The following TLN2 variants were observed in gnomAD, a reference collection of about 807,000 sequenced individuals.
The protein encoded by TLN2 is talin-2.
TLN2 carries 118 observed loss-of-function variants against 294.7 expected under a neutral mutation model. The observed-to-expected ratio is 0.40, with a 90% CI of 0.34 to 0.47. The LOEUF (loss-of-function observed/expected upper bound fraction) is 0.47, where lower values mean the gene tolerates loss of function less well. TLN2 is among the 20% of genes least tolerant of loss of function. The pLI is 0.84. For missense variants in TLN2, 3,083 were observed against 3,282.2 expected (o/e 0.94, Z 1.48); for synonymous variants, 1,431 against 1,304.5 (o/e 1.10, Z -2.09).
intron 1 of TLN2, among the ~76,000 whole-genome samples, chr15:62,562,520 A>G (rs2043046932): frequency 6.9e-6 from 1 of 145,466 alleles, no homozygotes; most frequent in African/African-American, 2.7e-5. Context: ...CTTCCTGAAC[A>G]TCTCTCCTCC....
At position 62,822,188 on chromosome 15, in the gene TLN2, G is replaced by A. The variant is rs546551990; in HGVS notation, c.7002+1578G>A. On this transcript the variant is annotated intron_variant, in intron 54 of 58. Coordinates refer to ENST00000636159, the MANE Select transcript of TLN2 (RefSeq NM_015059.3). Reference sequence around the variant, plus strand: ...GGTCGTTCACTTCACGACTCCAGATGGGAAAACAAAATTATTAAAGTTCCT... The same window carrying A: ...GGTCGTTCACTTCACGACTCCAGATAGGAAAACAAAATTATTAAAGTTCCT... Among the ~76,000 whole-genome samples, 6 of 152,226 alleles carry A rather than the reference G, an allele frequency of 3.9e-5. No homozygotes were observed. In the South Asian group the frequency reaches 1.2e-3, roughly 32 times the overall value.
chr15:62,427,637 G>A (rs928755525), intron 1 of TLN2, among the ~76,000 whole-genome samples: 3 of 152,026 alleles, frequency 2.0e-5, no homozygotes, highest in Non-Finnish European at 4.4e-5. Flanking sequence ...TCCAGATTGC[G>A]ACCCTCCTTT....
intron 1 of TLN2, among the ~76,000 whole-genome samples, chr15:62,499,552 A>G (rs959587366): frequency 3.3e-5 from 5 of 152,332 alleles, no homozygotes; most frequent in East Asian, 1.9e-4. Flanking sequence ...CAACATGCCA[A>G]CTGATGAATG....
intron 1 of TLN2, among the ~76,000 whole-genome samples, chr15:62,510,434 G>C (rs925490630): frequency 1.5e-4 from 23 of 152,214 alleles, no homozygotes; most frequent in Non-Finnish European, 7.3e-5. Context: ...CAGTAGTTGA[G>C]ATAATTTAGA....
chr15:62,540,265 G>T (rs546631442), intron 1 of TLN2, among the ~76,000 whole-genome samples: 2 of 152,126 alleles, frequency 1.3e-5, no homozygotes, highest in African/African-American at 2.4e-5. Context: ...GCTTGAACCC[G>T]GAAGGCAGAG....
chr15:62,479,411 A>G (rs953069085), intron 1 of TLN2, among the ~76,000 whole-genome samples: 9 of 152,052 alleles, frequency 5.9e-5, no homozygotes, highest in South Asian at 4.2e-4. Flanking sequence ...GTCCCCTTCC[A>G]CTTGCGTCTG....
chr15:62,664,465 T>A (rs997508222), intron 9 of TLN2, among the ~76,000 whole-genome samples: 5 of 152,074 alleles, frequency 3.3e-5, no homozygotes, highest in Non-Finnish European at 7.3e-5. Flanking sequence ...TATGAATCTT[T>A]ATATTTAAAA....
chr15:62,697,912 T>C, intron 15 of TLN2, 44 bp downstream of exon 15: 1 of 1,595,048 alleles, frequency 6.3e-7, no homozygotes. Context: ...GTCTGCTGCC[T>C]CCCGCATGCA....
Position 62,755,602 on chromosome 15 carries a change from C to A in TLN2, c.4547C>A (p.Ser1516Tyr). Residue 1516 changes from serine (S) to tyrosine (Y), a missense_variant, in exon 37 of 59, where the codon TCC becomes TAC. Ser to Tyr is a moderately radical substitution (Grantham distance 144). Transcript: ENST00000636159. ...ALCNACRIAS[S>Y]KTANPVAKRH... is the part of the protein sequence containing the mutation. ...TGCAATGCCTGCCGCATCGCCTCAT[C>A]CAAGACGGCCAACCCAGTAGCCAAG... 6.2e-7 allele frequency: 1 copy of A among 1,614,244 alleles called. No homozygotes were observed. The highest frequency in any genetic ancestry group is 8.5e-7 in the Non-Finnish European group (1 of 1,180,034).
intron 1 of TLN2, among the ~76,000 whole-genome samples, chr15:62,444,497 A>C (rs1435680241): frequency 6.6e-6 from 1 of 152,214 alleles, no homozygotes; most frequent in Non-Finnish European, 1.5e-5. Flanking sequence ...GAAGATTTTG[A>C]ATTGGTCCAT....
At chr15:62,671,922 C>G (rs1008499451) in intron 9 of TLN2, among the ~76,000 whole-genome samples, 1 of 152,068 alleles carries the variant, frequency 6.6e-6, no homozygotes, top group African/African-American at 2.4e-5. Flanking sequence ...TATGTATTTA[C>G]TTATTCTTTA....
At position 62,724,984 on chromosome 15, in the gene TLN2, A is replaced by C. The variant is rs148931336; in HGVS notation, c.3135A>C (p.Glu1045Asp). 27,001 of 1,611,528 alleles carry C rather than the reference A, an allele frequency of 0.017. 289 individuals are homozygous for C. The highest frequency in any genetic ancestry group is 0.023 in the Middle Eastern group (137 of 6,048). Residue 1045 changes from glutamate (E) to aspartate (D), a missense_variant, in exon 27 of 59, where the codon GAA (glutamate) becomes GAC (aspartate). Coordinates refer to ENST00000636159, the MANE Select transcript of TLN2 (RefSeq NM_015059.3). ...ELRTASQKAHEACGPMEIDSA... is the reference protein window; with the variant it reads ...ELRTASQKAHDACGPMEIDSA... ...TCCAACTCTGTTGGCAGGCCCATGA[A>C]GCTTGTGGTCCGATGGAAATCGATT...
At chr15:62,613,413 G>A (rs915168825) in intron 2 of TLN2, among the ~76,000 whole-genome samples, 5 of 152,112 alleles carry the variant, frequency 3.3e-5, no homozygotes, top group Admixed American at 6.5e-5. Context: ...AGGGGATCCC[G>A]TGTCCTACAA....
At chr15:62,769,061 G>T (rs559720442) in intron 41 of TLN2, among the ~76,000 whole-genome samples, 31 of 152,322 alleles carry the variant, frequency 2.0e-4, no homozygotes, top group African/African-American at 7.0e-4. Flanking sequence ...GGGGGAGCCG[G>T]GCTCCCATTT....
chr15:62,589,017 G>C (rs1354152453), intron 1 of TLN2, among the ~76,000 whole-genome samples: 2 of 151,926 alleles, frequency 1.3e-5, no homozygotes, highest in African/African-American at 4.8e-5. Flanking sequence ...ACCCAGATTT[G>C]ATTGCACGTA....
At position 62,742,609 on chromosome 15, in the gene TLN2, G is replaced by A. The variant is rs540878128; in HGVS notation, c.4025+1840G>A. The stretch of plus-strand genomic sequence containing the variant: ...CAGGCCCCCTGGTGGTGGCTTCGAA[G>A]AAAGGACATGGGGAAAAGGGGAAAA... On this transcript the variant is annotated intron_variant, in intron 32 of 58. Transcript: ENST00000636159. 3.0e-3 allele frequency among the ~76,000 whole-genome samples: 461 copies of A among 152,024 alleles called. 1 individual carries two copies. Among genetic ancestry groups the A allele is most frequent in the Non-Finnish European group, 5.0e-3 (340 of 67,960 alleles).
intron 41 of TLN2, among the ~76,000 whole-genome samples, chr15:62,769,190 T>G (rs1259931220): frequency 6.6e-6 from 1 of 152,238 alleles, no homozygotes. Flanking sequence ...TTCTAATGCA[T>G]TAAACATTTT....
At chr15:62,754,043 G>A in intron 36 of TLN2, 127 bp downstream of exon 36, 8 of 1,265,040 alleles carry the variant, frequency 6.3e-6, no homozygotes, top group Non-Finnish European at 8.3e-6. Context: ...CTAAATGCCA[G>A]CATTGTAGAT....
At chr15:62,522,423 C>T (rs2140475723) in intron 1 of TLN2, among the ~76,000 whole-genome samples, 1 of 152,286 alleles carries the variant, frequency 6.6e-6, no homozygotes, top group South Asian at 2.1e-4. Context: ...GTGGTCCATT[C>T]TCGTGGATGA....
Sources: gnomAD v4.1 joint callset for allele counts (sites outside exome capture counted in the v4.1 genomes callset) on GRCh38, gnomAD v4.1.1 for gene constraint, MANE v1.5 for transcripts, NCBI Gene and HGNC (gene_info 2026-07-23, HGNC 2026-07-21) for gene names.